Variants in POTEJ observed in about 807,000 individuals in gnomAD.
The protein encoded by POTEJ is POTE ankyrin domain family, member J.
POTEJ carries 11 observed loss-of-function variants against 69.0 expected under a neutral mutation model. The observed-to-expected ratio is 0.16, with a 90% CI of 0.10 to 0.26. The LOEUF (loss-of-function observed/expected upper bound fraction) is 0.26, where lower values mean the gene tolerates loss of function less well. POTEJ is among the 10% of genes least tolerant of loss of function. The pLI, the probability that POTEJ is intolerant of heterozygous loss-of-function variation, is 1.00. For missense variants in POTEJ, 327 were observed against 1,045.5 expected, an observed-to-expected ratio of 0.31 and a Z score of 9.48; for synonymous variants, 117 against 381.1, an observed-to-expected ratio of 0.31 and a Z score of 8.07.
intron 1 of POTEJ, among the ~76,000 whole-genome samples, chr2:130,612,557 G>A (rs1460381010): frequency 1.2e-4 from 18 of 152,268 alleles, no homozygotes; most frequent in Non-Finnish European, 1.9e-4. Flanking sequence ...TCAGGAGATC[G>A]AGACCATCCT....
intron 10 of POTEJ, among the ~76,000 whole-genome samples, chr2:130,641,851 G>T (rs1686390403): frequency 6.6e-6 from 1 of 152,226 alleles, no homozygotes; most frequent in South Asian, 2.1e-4. Flanking sequence ...CTGAAAGTCA[G>T]TAATAAATGT....
At chr2:130,615,666 C>A (rs867282527) in intron 1 of POTEJ, among the ~76,000 whole-genome samples, 16 of 146,042 alleles carry the variant, frequency 1.1e-4, no homozygotes, top group African/African-American at 3.7e-4. Flanking sequence ...CTGGGCTTAA[C>A]ACCTGGGTAA....
Position 130,656,966 on chromosome 2 carries a change from C to G in POTEJ, c.2206C>G (p.His736Asp). 7.5e-6 allele frequency: 12 copies of G among 1,594,134 alleles called. No individual in the cohort carries two copies. The highest frequency in any genetic ancestry group is 1.0e-5 in the Non-Finnish European group (12 of 1,167,412). Residue 736 changes from histidine to aspartate, a missense_variant, in exon 15 of 15, where the codon CAC (histidine) becomes GAC (aspartate). By Grantham distance (81) the His-to-Asp change is moderately conservative (BLOSUM62 -1). Transcript: ENST00000409602. ...CCTGACCCTGAAGTACCCCATGGAACACGGCATCATCACCAACTGGGATGA... is the reference window on the plus strand; with the variant it reads ...CCTGACCCTGAAGTACCCCATGGAAGACGGCATCATCACCAACTGGGATGA... ...GILTLKYPME[H>D]GIITNWDDME...
chr2:130,637,127 CCTG>C (rs1686123696), intron 9 of POTEJ, among the ~76,000 whole-genome samples: 1 of 148,316 alleles, frequency 6.7e-6, no homozygotes, highest in Non-Finnish European at 1.5e-5. Flanking sequence ...AACAGTTTTG[CCTG>C]GTAATTGTCT....
chr2:130,650,048 G>C (rs1330188144), intron 13 of POTEJ, among the ~76,000 whole-genome samples: 2 of 152,270 alleles, frequency 1.3e-5, no homozygotes, highest in Admixed American at 6.5e-5. Flanking sequence ...AAAGGAATTA[G>C]GATTGTATCA....
At chr2:130,647,418 T>A (rs1294212493) in intron 13 of POTEJ, among the ~76,000 whole-genome samples, 1 of 151,510 alleles carries the variant, frequency 6.6e-6, no homozygotes, top group African/African-American at 2.5e-5. Flanking sequence ...ATATTTAATA[T>A]AAACATTTCA....
chr2:130,636,254 C>G (rs1183147483), intron 9 of POTEJ, among the ~76,000 whole-genome samples: 2 of 152,220 alleles, frequency 1.3e-5, no homozygotes, highest in African/African-American at 4.8e-5. Flanking sequence ...TAAGGAACAT[C>G]CACTTTCTGA....
rs1686912858 is a variant in POTEJ, at chr2:130,654,416, A to G, written c.1668-505A>G. 2.2e-5 allele frequency among the ~76,000 whole-genome samples: 3 copies of G among 136,904 alleles called. 1 individual carries two copies. The South Asian group carries it at 7.1e-4, about 32-fold the overall frequency. The allele number at this position is 136,904 out of a possible 152,430, so 89.8% of individuals were successfully genotyped here. On this transcript the variant is annotated intron_variant, in intron 13 of 14. Coordinates refer to ENST00000409602, the MANE Select transcript of POTEJ (RefSeq NM_001277083.2). The stretch of plus-strand genomic sequence containing the variant: ...TACCGCCCGAGCTCCTCCTCCTGTC[A>G]GATCAGCGGTGGCATTAGATTGTCC...
chr2:130,639,394 A>C (rs1468937290), intron 10 of POTEJ, among the ~76,000 whole-genome samples: 1 of 152,312 alleles, frequency 6.6e-6, no homozygotes, highest in African/African-American at 2.4e-5. Context: ...TTGAAGTTGA[A>C]AGAGATGCAT....
In POTEJ at chr2:130,641,762, T is replaced by C. The variant is rs2105243109; in HGVS notation, c.1370-2221T>C. Among the ~76,000 whole-genome samples the C allele has an allele frequency of 2.0e-5, 3 of 152,212 alleles. No individual in the cohort carries two copies. The East Asian group carries it at 5.8e-4, about 29-fold the overall frequency. On this transcript the variant is annotated intron_variant, in intron 10 of 14. Transcript: ENST00000409602. Reference sequence around the variant, plus strand: ...ATTCGTGTAGGATATTTTGAGTAGGTCATTGGATAATCAGCATTTATAACT... The same window carrying C: ...ATTCGTGTAGGATATTTTGAGTAGGCCATTGGATAATCAGCATTTATAACT...
intron 6 of POTEJ, among the ~76,000 whole-genome samples, chr2:130,625,459 T>C (rs1685671689): frequency 6.6e-6 from 1 of 151,924 alleles, no homozygotes; most frequent in Admixed American, 6.5e-5. Flanking sequence ...AAGCTTATAA[T>C]TATGATTTAT....
At chr2:130,629,543 G>A (rs1305277955) in intron 6 of POTEJ, among the ~76,000 whole-genome samples, 1 of 147,100 alleles carries the variant, frequency 6.8e-6, no homozygotes, top group Admixed American at 6.7e-5. Context: ...GACCTTTCCT[G>A]GGCCCTGCTT....
chr2:130,656,143 G>C (rs1346964049), intron 14 of POTEJ, among the ~76,000 whole-genome samples: 1 of 145,520 alleles, frequency 6.9e-6, no homozygotes, highest in South Asian at 2.1e-4. Context: ...TGATAGGTTA[G>C]ATATCAGAGT....
intron 5 of POTEJ, chr2:130,622,932 A>T (rs1373704367): frequency 1.4e-5 from 2 of 144,098 alleles, no homozygotes; most frequent in Non-Finnish European, 3.0e-5. Flanking sequence ...TCTTTGAAGC[A>T]TTCCATATTT....
Position 130,656,548 on chromosome 2 carries a change from G to C in POTEJ, c.1789-1G>C. On this transcript the variant is annotated splice_acceptor_variant, in intron 14 of 14. Coordinates refer to ENST00000409602, the MANE Select transcript of POTEJ (RefSeq NM_001277083.2). LOFTEE classifies it high-confidence loss of function. ...ACTAAAAGTTCTCTTTGTTTACTTA[G>C]CTTTCTCTTAGTTGTAAGAAAGAAA... 6.2e-7 allele frequency: 1 copy of C among 1,608,608 alleles called. No individual in the cohort carries two copies. The highest frequency in any genetic ancestry group is 8.5e-7 in the Non-Finnish European group (1 of 1,179,632).
At chr2:130,637,636 C>A (rs1686151285) in intron 9 of POTEJ, among the ~76,000 whole-genome samples, 1 of 152,256 alleles carries the variant, frequency 6.6e-6, no homozygotes, top group African/African-American at 2.4e-5. Flanking sequence ...GAGATGACAC[C>A]AGAGCCAAAT....
intron 9 of POTEJ, among the ~76,000 whole-genome samples, chr2:130,636,440 T>G (rs1686094418): frequency 6.9e-6 from 1 of 145,320 alleles, no homozygotes; most frequent in Non-Finnish European, 1.5e-5. Flanking sequence ...TCATCGTTTC[T>G]TAGAGTCTTT....
At chr2:130,636,624 T>TC (rs1573984570) in intron 9 of POTEJ, among the ~76,000 whole-genome samples, 1 of 148,566 alleles carries the variant, frequency 6.7e-6, no homozygotes, top group East Asian at 1.9e-4. Flanking sequence ...TATCTGTCTG[T>TC]TGTTATTGTG....
intron 5 of POTEJ, among the ~76,000 whole-genome samples, chr2:130,621,934 GA>G: frequency 7.8e-6 from 1 of 128,100 alleles, no homozygotes; most frequent in African/African-American, 3.0e-5. Flanking sequence ...TTTGGGTCTT[GA>G]AATGTCCAGT....
Sources: gnomAD v4.1 joint callset for allele counts (sites outside exome capture counted in the v4.1 genomes callset) on GRCh38, gnomAD v4.1.1 for gene constraint, MANE v1.5 for transcripts, NCBI Gene and HGNC (gene_info 2026-07-23, HGNC 2026-07-21) for gene names.